The following RBFOX1 variants were observed in gnomAD, a reference collection of about 807,000 sequenced individuals.
RBFOX1 encodes RNA binding protein fox-1 homolog 1.
In RBFOX1, 8 loss-of-function variants were observed where a neutral mutation model predicts 57.7. The ratio of observed to expected loss-of-function variants is 0.14; its 90% CI spans 0.08 to 0.25. RBFOX1 has a LOEUF of 0.25. Ranked by LOEUF, RBFOX1 falls within the 10% of genes least tolerant of loss-of-function variation. The pLI is 1.00. For synonymous variants in RBFOX1, 326 were observed against 222.4 expected, an observed-to-expected ratio of 1.47 and a Z score of -4.15; for missense variants, 611 against 548.5, an observed-to-expected ratio of 1.11 and a Z score of -1.14.
intron 3 of RBFOX1, among the ~76,000 whole-genome samples, chr16:6,693,130 A>G (rs373115087): frequency 6.6e-6 from 1 of 150,800 alleles, no homozygotes; most frequent in Non-Finnish European, 1.5e-5. Flanking sequence ...CATCACCATC[A>G]TCATCACCAT....
At chr16:7,267,309 C>T (rs1376903839) in intron 4 of RBFOX1, among the ~76,000 whole-genome samples, 7 of 151,948 alleles carry the variant, frequency 4.6e-5, no homozygotes, top group African/African-American at 1.2e-4. Flanking sequence ...CCAAAGGGGG[C>T]GGATCACTTG....
At chr16:7,545,378 C>T (rs578211615) in intron 5 of RBFOX1, among the ~76,000 whole-genome samples, 2 of 152,202 alleles carry the variant, frequency 1.3e-5, no homozygotes, top group Admixed American at 6.5e-5. Context: ...AGCCAGGCCT[C>T]TGCCTTTATA....
At chr16:7,415,954 A>C (rs368901838) in intron 4 of RBFOX1, among the ~76,000 whole-genome samples, 4 of 152,262 alleles carry the variant, frequency 2.6e-5, no homozygotes, top group South Asian at 4.1e-4. Context: ...GAGAAAAAAA[A>C]ATCAAGTGAA....
chr16:7,386,702 C>T (rs1056910881), intron 4 of RBFOX1, among the ~76,000 whole-genome samples: 1 of 152,032 alleles, frequency 6.6e-6, no homozygotes, highest in Non-Finnish European at 1.5e-5. Context: ...GTGCATGTAT[C>T]TTTATAGTAG....
intron 3 of RBFOX1, among the ~76,000 whole-genome samples, chr16:5,674,492 T>C (rs1462628928): frequency 6.6e-6 from 1 of 152,144 alleles, no homozygotes; most frequent in Non-Finnish European, 1.5e-5. Flanking sequence ...TATGGGACTC[T>C]TCTCTCACAT....
intron 3 of RBFOX1, among the ~76,000 whole-genome samples, chr16:6,950,533 C>A (rs9939192): frequency 0.68 from 103,487 of 152,030 alleles, 36,157 homozygotes; most frequent in African/African-American, 0.85. Context: ...TGCATTTGGC[C>A]ATTATTTCCA....
intron 3 of RBFOX1, among the ~76,000 whole-genome samples, chr16:6,709,482 A>G (rs2063353306): frequency 6.6e-6 from 1 of 152,192 alleles, no homozygotes; most frequent in Admixed American, 6.5e-5. Flanking sequence ...CAGCTCTTAA[A>G]AAGAGGGGTT....
chr16:6,406,578 AT>A (rs112009529), intron 2 of RBFOX1, among the ~76,000 whole-genome samples: 8,283 of 140,524 alleles, frequency 0.059, 438 homozygotes, highest in African/African-American at 0.15. Flanking sequence ...GAAGTCGAAC[AT>A]TTTTTTTTTT....
At chr16:7,378,267 G>T (rs1172279030) in intron 4 of RBFOX1, among the ~76,000 whole-genome samples, 1 of 152,186 alleles carries the variant, frequency 6.6e-6, no homozygotes, top group Non-Finnish European at 1.5e-5. Flanking sequence ...CCTCCTGAGG[G>T]CAAGGAGGAT....
chr16:5,334,092 T>C (rs1428499569), intron 1 of RBFOX1, among the ~76,000 whole-genome samples: 2 of 152,168 alleles, frequency 1.3e-5, no homozygotes, highest in African/African-American at 4.8e-5. Flanking sequence ...ACTAAGAGTA[T>C]TTAAGGGTTT....
chr16:7,177,887 G>C (rs1344441112), intron 4 of RBFOX1, among the ~76,000 whole-genome samples: 1 of 152,222 alleles, frequency 6.6e-6, no homozygotes, highest in Non-Finnish European at 1.5e-5. Context: ...CCTGTGGGTT[G>C]TGGTTTACCA....
At chr16:5,292,367 A>T (rs185061962) in intron 1 of RBFOX1, among the ~76,000 whole-genome samples, 9 of 151,332 alleles carry the variant, frequency 5.9e-5, no homozygotes, top group African/African-American at 1.7e-4. Flanking sequence ...CCCCAAATCA[A>T]TTGGCAGAAA....
intron 3 of RBFOX1, among the ~76,000 whole-genome samples, chr16:5,672,303 C>T (rs2050036116): frequency 6.6e-6 from 1 of 152,118 alleles, no homozygotes; most frequent in Admixed American, 6.5e-5. Context: ...AATAAACCTG[C>T]CCCAGGTTAT....
chr16:5,780,326 AC>A (rs1387753886), intron 3 of RBFOX1, among the ~76,000 whole-genome samples: 2 of 152,052 alleles, frequency 1.3e-5, no homozygotes, highest in Non-Finnish European at 2.9e-5. Flanking sequence ...TATCTTTCTT[AC>A]CTTTCTATAA....
At chr16:5,455,301 C>A (rs1202573169) in intron 1 of RBFOX1, among the ~76,000 whole-genome samples, 2 of 151,898 alleles carry the variant, frequency 1.3e-5, no homozygotes. Context: ...GAGGGAGTGC[C>A]CAGAGAGTGA....
intron 3 of RBFOX1, among the ~76,000 whole-genome samples, chr16:7,005,212 T>G (rs2093192547): frequency 6.6e-6 from 1 of 152,124 alleles, no homozygotes; most frequent in South Asian, 2.1e-4. Context: ...TTTTTGTGTG[T>G]GGGACATACA....
rs533563283 is a variant in RBFOX1, at chr16:7,255,150, A to G, written c.27+203052A>G. 5.3e-5 allele frequency among the ~76,000 whole-genome samples: 8 copies of G among 152,294 alleles called. No homozygotes were observed. In the South Asian group the frequency reaches 8.3e-4, roughly 16 times the overall value. ...TCTCCGATCTTTGCAACACTGTTGAAAAATAGAAAGATAGTTTCTATTTTA... is the reference window on the plus strand; with the variant it reads ...TCTCCGATCTTTGCAACACTGTTGAGAAATAGAAAGATAGTTTCTATTTTA... On this transcript the variant is annotated intron_variant, in intron 4 of 15. Coordinates refer to ENST00000550418, the MANE Select transcript of RBFOX1 (RefSeq NM_018723.4).
At position 6,502,110 on chromosome 16, in the gene RBFOX1, C is replaced by A. The variant is rs147970822; in HGVS notation, c.-63-152493C>A. Among the ~76,000 whole-genome samples the A allele has an allele frequency of 4.8e-3, 732 of 152,280 alleles. 22 individuals carry two copies. In the East Asian group the frequency reaches 0.094, roughly 20 times the overall value. On this transcript the variant is annotated intron_variant, in intron 2 of 15. Coordinates refer to ENST00000550418, the MANE Select transcript of RBFOX1 (RefSeq NM_018723.4). ...CCTTGTGTAACAGAATATTACCCAA[C>A]TGGAACCAAAAAATTCCTTCAGTGT...
rs77657591 is a variant in RBFOX1 at position 5,898,825 on chromosome 16, T to C, written c.351+31490T>C. ...CTATAATCCCAGCACTTTGTGGGGC[T>C]GAGAAGGGAACATTGCTTGAGGCCA... On this transcript the variant is annotated intron_variant, in intron 4 of 19. Transcript: ENST00000641259. Among the ~76,000 whole-genome samples, 278 of 151,342 alleles carry C rather than the reference T, an allele frequency of 1.8e-3. 3 individuals are homozygous for C. The highest frequency in any genetic ancestry group is 6.5e-3 in the African/African-American group (267 of 41,178).
Sources: allele counts gnomAD v4.1 joint callset (sites outside exome capture counted in the v4.1 genomes callset), GRCh38; gene constraint gnomAD v4.1.1; transcripts MANE v1.5; gene names NCBI Gene and HGNC (gene_info 2026-07-23, HGNC 2026-07-21).